The following GSDMD variants were observed in gnomAD, a reference collection of about 807,000 sequenced individuals.
GSDMD encodes the protein gasdermin D, also known as gasdermin-D.
In GSDMD, 46 loss-of-function variants were observed where a neutral mutation model predicts 46.7. That is an observed-to-expected ratio of 0.99 (90% CI 0.78 to 1.26). GSDMD has a LOEUF of 1.26. Among genes scored for constraint, GSDMD ranks in the 50% most tolerant of loss-of-function variants. GSDMD has a pLI of 0.00. For missense variants in GSDMD, 649 were observed against 638.8 expected (o/e 1.02, Z -0.17); for synonymous variants, 307 against 283.1 (o/e 1.08, Z -0.85).
chr8:143,562,879 CAG>C lies in GSDMD; in HGVS notation c.1431_1432del (p.Gly478ThrfsTer?). ...CTCTACGCCTCCCTGGCACTGCTAT[CAG>C]GACTGAGCCAGGAGCCCCACTAGCC... On this transcript the variant is annotated frameshift_variant, in exon 11 of 11. Transcript: ENST00000262580. LOFTEE classifies it low-confidence loss of function (END_TRUNC). 1 of 1,612,256 alleles carries C rather than the reference CAG, an allele frequency of 6.2e-7. No homozygotes were observed. The highest frequency in any genetic ancestry group is 8.5e-7 in the Non-Finnish European group (1 of 1,179,972).
chr8:143,554,201 T>C (rs573466427), upstream of GSDMD, among the ~76,000 whole-genome samples: 28 of 149,078 alleles, frequency 1.9e-4, no homozygotes, highest in African/African-American at 6.7e-4. Flanking sequence ...CTGCGCACCG[T>C]GACCTGCACA....
Position 143,562,303 on chromosome 8 carries a change from T to G in GSDMD, c.1091T>G (p.Val364Gly). The change falls in exon 9 of 11, where the codon GTG becomes GGG. Residue 364 changes from valine to glycine, a missense_variant. Physicochemically the swap from Val to Gly is moderately radical, Grantham distance 109. Transcript: ENST00000262580. ...CTGGTGTTGTCCTCCGGAATGCTGG[T>G]GCCGGAACTCGCTATCCCTGTTGTC... is the stretch of plus-strand genomic sequence containing the variant. The part of the protein sequence containing the change: ...ECLVLSSGML[V>G]PELAIPVVYL... 5 of 1,457,906 alleles carry G rather than the reference T, an allele frequency of 3.4e-6. No individual in the cohort carries two copies. Among genetic ancestry groups the G allele is most frequent in the Non-Finnish European group, 4.6e-6 (5 of 1,089,264 alleles). The allele number at this position is 1,457,906 out of a possible 1,614,324, so 90.3% of individuals were successfully genotyped here.
chr8:143,560,860 C>G, intron 4 of GSDMD, 89 bp downstream of exon 4: 6 of 1,430,482 alleles, frequency 4.2e-6, no homozygotes, highest in Non-Finnish European at 5.6e-6. Flanking sequence ...TCCGCCAAGG[C>G]CCCTCGGAGC....
intron 1 of GSDMD, 52 bp from the exon 2 acceptor site, chr8:143,559,280 T>A: frequency 1.7e-6 from 1 of 579,426 alleles, no homozygotes; most frequent in African/African-American, 1.9e-5. Flanking sequence ...CTTCTCCCAC[T>A]CCCTCCCGCC....
intron 1 of GSDMD, chr8:143,558,826 C>T (rs1277582456): frequency 3.6e-6 from 2 of 557,278 alleles, no homozygotes; most frequent in Admixed American, 4.4e-5. Context: ...CGGAGGCCCG[C>T]TATGGCCTCT....
chr8:143,561,620 G>T, intron 6 of GSDMD, 122 bp from the exon 7 acceptor site: 1 of 965,732 alleles, frequency 1.0e-6, no homozygotes, highest in Non-Finnish European at 1.6e-6. Context: ...TTCCTGCCCT[G>T]GGCTGCCAGT....
At chr8:143,558,143 G>A (rs1227246453), upstream of GSDMD, 2 of 589,070 alleles carry the variant, frequency 3.4e-6, no homozygotes, top group Non-Finnish European at 5.7e-6. Context: ...ATCCGCCCGG[G>A]CACAGGCTCA....
chr8:143,559,174 A>C (rs1324021050), intron 1 of GSDMD, 158 bp from the exon 2 acceptor site: 4 of 609,360 alleles, frequency 6.6e-6, no homozygotes, highest in Non-Finnish European at 1.2e-5. Flanking sequence ...CCGGGGACAG[A>C]AGCTTTCTGC....
rs374200764 is a variant in GSDMD at position 143,562,151 on chromosome 8, C to T, written c.996+20C>T. On this transcript the variant is annotated intron_variant, in intron 8 of 10. Coordinates refer to ENST00000262580, the MANE Select transcript of GSDMD (RefSeq NM_024736.7). ...GAGGCGGTGAGCGGGGGAGGGTGCC[C>T]GGGGCACACAAGGCCTGCCCAGCCA... The T allele has an allele frequency of 1.8e-5, 29 of 1,597,182 alleles. No individual in the cohort carries two copies. Among genetic ancestry groups the T allele is most frequent in the African/African-American group, 2.7e-5 (2 of 74,858 alleles).
At chr8:143,560,910 CT>C in intron 4 of GSDMD, 91 bp from the exon 5 acceptor site, 2 of 1,449,040 alleles carry the variant, frequency 1.4e-6, no homozygotes, top group Non-Finnish European at 1.9e-6. Flanking sequence ...CCGAAGTCAC[CT>C]GGCGGCGGGC....
chr8:143,561,670 G>T (rs922419915), intron 6 of GSDMD, 72 bp from the exon 7 acceptor site: 3 of 1,277,026 alleles, frequency 2.3e-6, no homozygotes, highest in Non-Finnish European at 2.2e-6. Flanking sequence ...CCTGGGGAAG[G>T]CCTCAGCCCT....
Position 143,562,747 on chromosome 8 carries a change from G to C in GSDMD, c.1298G>C (p.Gly433Ala). Residue 433 changes from glycine to alanine, a missense_variant, in exon 11 of 11, where the codon GGC (glycine) becomes GCC (alanine). Transcript: ENST00000262580. ...LPPGLLGNSW[G>A]EGAPAWVLLD... ...CCCGGGCTCCTGGGGAACAGCTGGG[G>C]CGAAGGAGCACCGGCCTGGGTCTTG... 1 of 1,586,496 alleles carries C rather than the reference G, an allele frequency of 6.3e-7. No individual in the cohort carries two copies. Among genetic ancestry groups the C allele is most frequent in the Non-Finnish European group, 8.6e-7 (1 of 1,166,484 alleles).
rs1198058325 is a variant in GSDMD, at chr8:143,560,655, G to A, written c.463G>A (p.Asp155Asn). 5 of 1,590,394 alleles carry A rather than the reference G, an allele frequency of 3.1e-6. No homozygotes were observed. The highest frequency in any genetic ancestry group is 1.1e-5 in the South Asian group (1 of 87,788). ...KVLQQLRSRGDNVYVVTEVLQ... is the reference protein window; with the variant it reads ...KVLQQLRSRGNNVYVVTEVLQ... ...CCTGCAGCAGCTGCGCAGCCGCGGG[G>A]ACAACGTGTACGTGGTGACTGAGGT... Residue 155 changes from aspartate to asparagine, a missense_variant, in exon 4 of 11, where the codon GAC becomes AAC. By Grantham distance (23) the Asp-to-Asn change is conservative. Coordinates refer to ENST00000262580, the MANE Select transcript of GSDMD (RefSeq NM_024736.7).
intron 1 of GSDMD, 90 bp from the exon 2 acceptor site, chr8:143,559,242 C>T: frequency 2.5e-6 from 2 of 804,410 alleles, no homozygotes; most frequent in Non-Finnish European, 2.0e-6. Context: ...AGGAGTCCCC[C>T]ATCATGGGAG....
At chr8:143,561,602 A>G in intron 6 of GSDMD, 140 bp from the exon 7 acceptor site, 1 of 923,258 alleles carries the variant, frequency 1.1e-6, no homozygotes, top group Non-Finnish European at 1.6e-6. Context: ...GGGCCTCCCC[A>G]GCCTCCCTTC....
intron 1 of GSDMD, 123 bp downstream of exon 1, chr8:143,558,574 G>A (rs1313213612): frequency 7.2e-6 from 7 of 971,122 alleles, no homozygotes; most frequent in Admixed American, 7.5e-5. Context: ...GCCCCGCGCC[G>A]CACACGGGGG....
In GSDMD at chr8:143,561,140, C is replaced by T. The variant is rs1012950734; in HGVS notation, c.682+36C>T. The T allele has an allele frequency of 2.5e-6, 4 of 1,590,040 alleles. No individual in the cohort carries two copies. In the Admixed American group the frequency reaches 5.1e-5, roughly 20 times the overall value. Reference sequence around the variant, plus strand: ...GTTGGGGGTGTCTCGGGCCCAGGCCCTGGCAGAGAAACAGGGAGGCCTGGG... The same window carrying T: ...GTTGGGGGTGTCTCGGGCCCAGGCCTTGGCAGAGAAACAGGGAGGCCTGGG... On this transcript the variant is annotated intron_variant, in intron 5 of 10. Transcript: ENST00000262580.
At chr8:143,560,859 GC>G in intron 4 of GSDMD, 88 bp downstream of exon 4, 1 of 1,427,978 alleles carries the variant, frequency 7.0e-7, no homozygotes, top group Non-Finnish European at 9.3e-7. Flanking sequence ...CTCCGCCAAG[GC>G]CCCTCGGAGC....
At chr8:143,560,931 G>A in intron 4 of GSDMD, 71 bp from the exon 5 acceptor site, 1 of 1,509,954 alleles carries the variant, frequency 6.6e-7, no homozygotes, top group South Asian at 1.2e-5. Flanking sequence ...CCTGCCCCCG[G>A]CACCCGGCCC....
Sources: gnomAD v4.1 joint callset for allele counts (sites outside exome capture counted in the v4.1 genomes callset) on GRCh38, gnomAD v4.1.1 for gene constraint, MANE v1.5 for transcripts, NCBI Gene and HGNC (gene_info 2026-07-23, HGNC 2026-07-21) for gene names.